The following CAMTA1 variants were observed in gnomAD, a reference collection of about 807,000 sequenced individuals.
CAMTA1 encodes the protein calmodulin binding transcription activator 1.
Under a neutral mutation model 170.9 loss-of-function variants are expected in CAMTA1, and 27 were observed. The ratio of observed to expected loss-of-function variants is 0.16; its 90% CI spans 0.12 to 0.22. The LOEUF is 0.22. Among genes scored for constraint, CAMTA1 ranks in the 10% least tolerant of loss-of-function variants. The pLI is 1.00. For missense variants in CAMTA1, 1,619 were observed against 2,217.2 expected (o/e 0.73, Z 5.42); for synonymous variants, 833 against 891.5 (o/e 0.93, Z 1.17).
At chr1:7,095,430 T>C (rs553935341) in intron 4 of CAMTA1, among the ~76,000 whole-genome samples, 2 of 152,224 alleles carry the variant, frequency 1.3e-5, no homozygotes, top group Non-Finnish European at 1.5e-5. Context: ...ACACCGCCCA[T>C]GGGCTGGATG....
At chr1:7,178,318 T>C (rs1213588352) in intron 4 of CAMTA1, among the ~76,000 whole-genome samples, 2 of 152,166 alleles carry the variant, frequency 1.3e-5, no homozygotes, top group Non-Finnish European at 2.9e-5. Context: ...TCAACAGTTA[T>C]CCCCCGTTTG....
rs770637887 is a variant in CAMTA1, at chr1:7,640,396, A to G, written c.511-4A>G. 4.3e-6 allele frequency: 7 copies of G among 1,613,586 alleles called. No individual in the cohort carries two copies. The highest frequency in any genetic ancestry group is 5.9e-6 in the Non-Finnish European group (7 of 1,179,948). On this transcript the variant is annotated splice_polypyrimidine_tract_variant and splice_region_variant and intron_variant, in intron 6 of 22. Transcript: ENST00000303635. ...CATGCTGCCAGTCTCTGCTCTCCCC[A>G]CAGAACCCCGACATCGTCCTGGTGC... is the stretch of plus-strand genomic sequence containing the variant.
intron 9 of CAMTA1, among the ~76,000 whole-genome samples, chr1:7,668,970 C>T (rs1441102253): frequency 6.6e-6 from 1 of 152,106 alleles, no homozygotes; most frequent in African/African-American, 2.4e-5. Context: ...ACCTGTCCGC[C>T]GGCACTCTTC....
At chr1:6,990,428 A>G (rs1696164767) in intron 3 of CAMTA1, among the ~76,000 whole-genome samples, 1 of 152,170 alleles carries the variant, frequency 6.6e-6, no homozygotes, top group Non-Finnish European at 1.5e-5. Context: ...TCATCAATCC[A>G]TCTTGGTTTG....
rs192562815 is a variant in CAMTA1 at position 7,092,604 on chromosome 1, G to T, written c.302+1233G>T. 2.6e-4 allele frequency among the ~76,000 whole-genome samples: 39 copies of T among 152,332 alleles called. No homozygotes were observed. The East Asian group carries it at 3.3e-3, about 13-fold the overall frequency. On this transcript the variant is annotated intron_variant, in intron 4 of 22. Coordinates refer to ENST00000303635, the MANE Select transcript of CAMTA1 (RefSeq NM_015215.4). This position sits in a 1 kb window ranked among gnomAD's most constrained non-coding sequence, Gnocchi z 5.0. ...GCAGGAGTCCCCAAAACCTCAGCCT[G>T]CTGGAACCATGGTTTTTCCTTTGCT...
chr1:7,364,156 A>G (rs1025667841), intron 5 of CAMTA1, among the ~76,000 whole-genome samples: 8 of 152,206 alleles, frequency 5.3e-5, no homozygotes, highest in African/African-American at 1.7e-4. Context: ...TCATTCATAA[A>G]CAATGCTTAT....
At chr1:7,001,897 CTTTTTTT>C (rs35997562) in intron 3 of CAMTA1, among the ~76,000 whole-genome samples, 1 of 137,434 alleles carries the variant, frequency 7.3e-6, no homozygotes, top group Non-Finnish European at 1.6e-5. Flanking sequence ...TCTTCTTCTT[CTTTTTTT>C]TTTTTTTTTT....
intron 6 of CAMTA1, among the ~76,000 whole-genome samples, chr1:7,572,679 T>C (rs2095139027): frequency 6.6e-6 from 1 of 152,198 alleles, no homozygotes; most frequent in Non-Finnish European, 1.5e-5. Flanking sequence ...TCATGTGAGC[T>C]CCATCCCCGT....
chr1:7,101,366 G>C (rs1056861329), intron 4 of CAMTA1, among the ~76,000 whole-genome samples: 2 of 152,184 alleles, frequency 1.3e-5, no homozygotes, highest in Non-Finnish European at 1.5e-5. Flanking sequence ...CGAGTTCTTG[G>C]AATAAAGGAC....
chr1:6,967,720 G>A (rs1395630470), intron 3 of CAMTA1, among the ~76,000 whole-genome samples: 1 of 152,202 alleles, frequency 6.6e-6, no homozygotes, highest in East Asian at 1.9e-4. Flanking sequence ...AAGCAATTGT[G>A]CATTTCATAG....
intron 6 of CAMTA1, among the ~76,000 whole-genome samples, chr1:7,583,715 G>C (rs1268989275): frequency 6.6e-6 from 1 of 152,158 alleles, no homozygotes; most frequent in Non-Finnish European, 1.5e-5. Flanking sequence ...CCCGTCCCAA[G>C]TCCACTCTGA....
chr1:7,646,989 G>A (rs1413471425), intron 7 of CAMTA1, among the ~76,000 whole-genome samples: 4 of 152,192 alleles, frequency 2.6e-5, no homozygotes, highest in African/African-American at 7.2e-5. Flanking sequence ...ACACCACACC[G>A]TTTCCAGTAC....
chr1:7,662,363 G>A (rs1198859380), intron 8 of CAMTA1, among the ~76,000 whole-genome samples: 1 of 152,146 alleles, frequency 6.6e-6, no homozygotes, highest in African/African-American at 2.4e-5. Context: ...AATGGTATTT[G>A]CTCTTTGAAA....
At chr1:6,867,597 CA>C (rs1667030204) in intron 3 of CAMTA1, among the ~76,000 whole-genome samples, 1 of 152,060 alleles carries the variant, frequency 6.6e-6, no homozygotes. Context: ...TTTGGTTTTT[CA>C]ATAGATGGCA....
intron 6 of CAMTA1, among the ~76,000 whole-genome samples, chr1:7,488,079 AGTCTCTCTGG>A (rs1031478834): frequency 5.9e-5 from 9 of 152,212 alleles, no homozygotes; most frequent in African/African-American, 2.2e-4. Flanking sequence ...ATCTTGCTAG[AGTCTCTCTGG>A]GTCTCTCTAG....
In CAMTA1 at chr1:7,587,947, G is replaced by A. The variant is rs372498017; in HGVS notation, c.511-52453G>A. ...TACCTCCCCAGAACCCGCCTCCCTC[G>A]GCCCAGATGGCAGCTGTAGCTTCTG... On this transcript the variant is annotated intron_variant, in intron 6 of 22. Coordinates refer to ENST00000303635, the MANE Select transcript of CAMTA1 (RefSeq NM_015215.4). Among the ~76,000 whole-genome samples, 57 of 152,224 alleles carry A rather than the reference G, an allele frequency of 3.7e-4. 1 individual carries two copies. Among genetic ancestry groups the A allele is most frequent in the African/African-American group, 1.1e-3 (45 of 41,498 alleles).
At chr1:7,128,943 T>A (rs148612456) in intron 4 of CAMTA1, among the ~76,000 whole-genome samples, 433 of 149,952 alleles carry the variant, frequency 2.9e-3, no homozygotes, top group Non-Finnish European at 4.8e-3. Context: ...CAGGTTCAAG[T>A]GATTCTCCTG....
chr1:7,412,196 G>A (rs1425747974), intron 5 of CAMTA1, among the ~76,000 whole-genome samples: 2 of 152,060 alleles, frequency 1.3e-5, no homozygotes, highest in Non-Finnish European at 2.9e-5. Flanking sequence ...CTTTGCTATC[G>A]TGAATAGTGC....
chr1:7,753,219 T>C (rs1474285642), intron 21 of CAMTA1, among the ~76,000 whole-genome samples: 1 of 152,218 alleles, frequency 6.6e-6, no homozygotes, highest in Non-Finnish European at 1.5e-5. Flanking sequence ...GCCAGAGGAA[T>C]TTCTCTTTGT....
Sources: gnomAD v4.1 joint callset for allele counts (sites outside exome capture counted in the v4.1 genomes callset) on GRCh38, gnomAD v4.1.1 for gene constraint, Gnocchi (gnomAD v3.1) non-coding constraint, MANE v1.5 for transcripts, NCBI Gene and HGNC (gene_info 2026-07-23, HGNC 2026-07-21) for gene names.